Variants in MAGI1 observed in about 807,000 individuals in gnomAD.
MAGI1 encodes membrane associated guanylate kinase, WW and PDZ domain containing 1, also known as membrane-associated guanylate kinase, WW and PDZ domain-containing protein 1.
A neutral mutation model predicts 139.9 loss-of-function variants in MAGI1; 58 were observed. The ratio of observed to expected loss-of-function variants is 0.41; its 90% confidence interval spans 0.34 to 0.52. MAGI1 has a LOEUF of 0.52. Among genes scored for constraint, MAGI1 ranks in the 20% least tolerant of loss-of-function variants. MAGI1 has a pLI of 0.12. For missense variants in MAGI1, 1,874 were observed against 1,901.6 expected, an observed-to-expected ratio of 0.99 and a Z score of 0.27; for synonymous variants, 812 against 737.9, an observed-to-expected ratio of 1.10 and a Z score of -1.63.
chr3:65,805,562 A>G (rs1346145977), intron 1 of MAGI1, among the ~76,000 whole-genome samples: 1 of 152,190 alleles, frequency 6.6e-6, no homozygotes, highest in Admixed American at 6.5e-5. Context: ...CAGAAATACC[A>G]TTTGACCCGG....
chr3:65,956,104 T>C (rs192763152), intron 1 of MAGI1, among the ~76,000 whole-genome samples: 2 of 152,264 alleles, frequency 1.3e-5, no homozygotes, highest in Admixed American at 6.5e-5. Context: ...ATATCGACTT[T>C]TGACGTCTAA....
chr3:65,540,033 A>G (rs1472737078), intron 2 of MAGI1, among the ~76,000 whole-genome samples: 1 of 152,220 alleles, frequency 6.6e-6, no homozygotes, highest in African/African-American at 2.4e-5. Context: ...GCAAAGGCTT[A>G]AGAGCTTTCT....
chr3:65,362,620 A>T (rs1401996141), intron 21 of MAGI1, among the ~76,000 whole-genome samples: 1 of 152,224 alleles, frequency 6.6e-6, no homozygotes, highest in Non-Finnish European at 1.5e-5. Context: ...GAACAAACTT[A>T]AACATCAAGA....
intron 2 of MAGI1, among the ~76,000 whole-genome samples, chr3:65,530,497 C>A (rs552021071): frequency 6.6e-6 from 1 of 151,124 alleles, no homozygotes; most frequent in African/African-American, 2.4e-5. Flanking sequence ...GCCTGTAGTT[C>A]CAGCTGCTAC....
chr3:65,952,015 A>T (rs1368522756), intron 1 of MAGI1, among the ~76,000 whole-genome samples: 1 of 152,222 alleles, frequency 6.6e-6, no homozygotes, highest in Non-Finnish European at 1.5e-5. Context: ...ATTCCTACTG[A>T]CGACAAAGTC....
intron 1 of MAGI1, among the ~76,000 whole-genome samples, chr3:65,824,124 A>T (rs958142590): frequency 6.6e-6 from 1 of 152,242 alleles, no homozygotes; most frequent in Non-Finnish European, 1.5e-5. Context: ...GGAAAATTTT[A>T]AGAATTGTTT....
intron 1 of MAGI1, among the ~76,000 whole-genome samples, chr3:65,854,259 GCAA>G (rs2059301792): frequency 1.3e-5 from 2 of 151,180 alleles, no homozygotes; most frequent in East Asian, 3.9e-4. Flanking sequence ...AAGAGTCTGG[GCAA>G]CAAAGTGAGA....
intron 1 of MAGI1, among the ~76,000 whole-genome samples, chr3:65,860,892 T>C (rs1045924539): frequency 1.3e-5 from 2 of 152,110 alleles, no homozygotes; most frequent in South Asian, 2.1e-4. Flanking sequence ...TAGGGTAACA[T>C]AGAGAATTCG....
chr3:65,927,447 T>C (rs2062580893), intron 1 of MAGI1, among the ~76,000 whole-genome samples: 1 of 152,204 alleles, frequency 6.6e-6, no homozygotes, highest in Non-Finnish European at 1.5e-5. Flanking sequence ...CAAAGCCATT[T>C]AATGCCACAA....
intron 1 of MAGI1, among the ~76,000 whole-genome samples, chr3:65,981,086 G>A (rs56391425): frequency 0.027 from 4,114 of 151,624 alleles, 110 homozygotes; most frequent in Middle Eastern, 0.16. Flanking sequence ...ACTTGAACCC[G>A]GGAGGCGGAG....
intron 2 of MAGI1, among the ~76,000 whole-genome samples, chr3:65,586,434 T>C (rs1288988415): frequency 6.6e-6 from 1 of 152,088 alleles, no homozygotes; most frequent in African/African-American, 2.4e-5. Flanking sequence ...TTTTTAGGGG[T>C]GATAGTATTA....
intron 1 of MAGI1, among the ~76,000 whole-genome samples, chr3:65,942,816 T>C (rs1335909252): frequency 6.6e-6 from 1 of 152,050 alleles, no homozygotes; most frequent in Non-Finnish European, 1.5e-5. Flanking sequence ...AGGTTGGGAG[T>C]TCGAGACCAG....
chr3:65,768,224 A>G (rs2037650323), intron 1 of MAGI1, among the ~76,000 whole-genome samples: 1 of 152,162 alleles, frequency 6.6e-6, no homozygotes, highest in South Asian at 2.1e-4. Context: ...GTTCTAGACC[A>G]GCCTGGCCAA....
At chr3:66,008,444 T>C (rs1204833422) in intron 1 of MAGI1, among the ~76,000 whole-genome samples, 1 of 152,186 alleles carries the variant, frequency 6.6e-6, no homozygotes, top group Non-Finnish European at 1.5e-5. Flanking sequence ...CCACCACATG[T>C]AGGCACTATA....
intron 1 of MAGI1, among the ~76,000 whole-genome samples, chr3:65,926,820 C>G (rs997699314): frequency 6.6e-6 from 1 of 152,082 alleles, no homozygotes; most frequent in African/African-American, 2.4e-5. Context: ...CATGGTGTAA[C>G]CCCCATCTCT....
intron 1 of MAGI1, among the ~76,000 whole-genome samples, chr3:65,959,503 C>T (rs963941152): frequency 1.3e-5 from 2 of 151,824 alleles, no homozygotes; most frequent in African/African-American, 2.4e-5. Context: ...GTGGTGTGAT[C>T]ATAGCTCAGT....
chr3:65,633,999 G>A (rs1480859526), intron 1 of MAGI1, among the ~76,000 whole-genome samples: 1 of 152,184 alleles, frequency 6.6e-6, no homozygotes, highest in Non-Finnish European at 1.5e-5. Context: ...GACTCGAGAT[G>A]ACAGTGAACA....
chr3:65,907,039 T>C (rs1311343631), intron 1 of MAGI1, among the ~76,000 whole-genome samples: 1 of 147,044 alleles, frequency 6.8e-6, no homozygotes, highest in Non-Finnish European at 1.5e-5. Flanking sequence ...GTGAGAAAAA[T>C]CTTGCCTCTT....
chr3:65,370,521 T>G (rs1941882346), intron 18 of MAGI1, among the ~76,000 whole-genome samples: 1 of 152,258 alleles, frequency 6.6e-6, no homozygotes, highest in East Asian at 1.9e-4. Context: ...TATGTGAATT[T>G]TATATTTCCT....
Sources: allele counts gnomAD v4.1 joint callset (sites outside exome capture counted in the v4.1 genomes callset), GRCh38; gene constraint gnomAD v4.1.1; transcripts MANE v1.5; gene names NCBI Gene and HGNC (gene_info 2026-07-23, HGNC 2026-07-21).